ATOSA: variants seen among roughly 807,000 people sequenced by gnomAD.
ATOSA encodes the protein atos homolog protein A.
chr15:52,620,962 T>C, the ATOSA span, among the ~76,000 whole-genome samples: 3 of 152,150 alleles, frequency 2.0e-5, no homozygotes, highest in African/African-American at 7.2e-5. Flanking sequence ...AAATAAAAAG[T>C]GTCCTTTTTA....
At chr15:52,671,490 G>A in the ATOSA span, among the ~76,000 whole-genome samples, 1 of 152,104 alleles carries the variant, frequency 6.6e-6, no homozygotes, top group African/African-American at 2.4e-5. Context: ...GTACAAGACT[G>A]CCTACTAAAT....
At chr15:52,619,756 A>G in the ATOSA span, among the ~76,000 whole-genome samples, 1 of 152,048 alleles carries the variant, frequency 6.6e-6, no homozygotes, top group Non-Finnish European at 1.5e-5. Flanking sequence ...ACTTGAACCC[A>G]GGAGGTGTAG....
At chr15:52,674,916 T>C in the ATOSA span, among the ~76,000 whole-genome samples, 1 of 151,694 alleles carries the variant, frequency 6.6e-6, no homozygotes, top group South Asian at 2.1e-4. Context: ...TAATAAACGA[T>C]ATTATTTATT....
chr15:52,654,016 T>G, the ATOSA span, among the ~76,000 whole-genome samples: 1 of 152,194 alleles, frequency 6.6e-6, no homozygotes, highest in Non-Finnish European at 1.5e-5. Flanking sequence ...ATTTAAAAAT[T>G]TTTTGGATTA....
chr15:52,652,155 G>A, the ATOSA span: 3 of 1,053,430 alleles, frequency 2.8e-6, no homozygotes, highest in Non-Finnish European at 3.8e-6. Flanking sequence ...ACAGCTTCCT[G>A]TCTACTTGGC....
the ATOSA span, among the ~76,000 whole-genome samples, chr15:52,668,423 G>A: frequency 6.6e-6 from 1 of 152,142 alleles, no homozygotes; most frequent in Middle Eastern, 3.2e-3. Flanking sequence ...GAGAGAATAG[G>A]AAGAGGTTGA....
At chr15:52,584,355 T>G in the ATOSA span, among the ~76,000 whole-genome samples, 1 of 152,018 alleles carries the variant, frequency 6.6e-6, no homozygotes, top group South Asian at 2.1e-4. Context: ...TTGGCCAGGT[T>G]GGTCTCAAAC....
chr15:52,630,328 G>C, the ATOSA span, among the ~76,000 whole-genome samples: 30,399 of 152,048 alleles, frequency 0.2, 3,876 homozygotes, highest in East Asian at 0.61. Context: ...CTACACCAAA[G>C]GCACCACAGA....
At chr15:52,629,916 T>C in the ATOSA span, among the ~76,000 whole-genome samples, 1 of 151,412 alleles carries the variant, frequency 6.6e-6, no homozygotes, top group African/African-American at 2.4e-5. Flanking sequence ...ACAAATGAAG[T>C]AGAAACAATA....
the ATOSA span, chr15:52,608,654 T>C: frequency 6.2e-7 from 1 of 1,611,410 alleles, no homozygotes; most frequent in Admixed American, 1.7e-5. Flanking sequence ...GATTTTTCAT[T>C]AGTTGGATCT....
At chr15:52,678,301 C>A in the ATOSA span, 2 of 589,806 alleles carry the variant, frequency 3.4e-6, no homozygotes, top group East Asian at 5.6e-5. Flanking sequence ...TCGAGCACCC[C>A]CTTCCCTGCC....
the ATOSA span, among the ~76,000 whole-genome samples, chr15:52,647,791 A>G: frequency 9.2e-5 from 14 of 152,332 alleles, no homozygotes; most frequent in African/African-American, 3.4e-4. Context: ...AAACTGTATG[A>G]ATATGTTATC....
the ATOSA span, chr15:52,608,587 G>A: frequency 1.3e-6 from 2 of 1,572,930 alleles, no homozygotes; most frequent in Non-Finnish European, 1.7e-6. Flanking sequence ...TGTATTTTTT[G>A]GTTGCTCACA....
At chr15:52,609,924 T>C in the ATOSA span, 2 of 1,610,748 alleles carry the variant, frequency 1.2e-6, no homozygotes, top group Non-Finnish European at 8.5e-7. Flanking sequence ...TCACTGATGT[T>C]TCTTGTGATT....
chr15:52,629,467 T>C, the ATOSA span, among the ~76,000 whole-genome samples: 1 of 151,454 alleles, frequency 6.6e-6, no homozygotes, highest in South Asian at 2.1e-4. Flanking sequence ...TACGGAATCC[T>C]TTCATGCCCT....
the ATOSA span, among the ~76,000 whole-genome samples, chr15:52,688,827 A>G: frequency 6.6e-6 from 1 of 152,232 alleles, no homozygotes; most frequent in African/African-American, 2.4e-5. Context: ...GAAAAGTCGA[A>G]TAAGACAAGG....
At chr15:52,672,172 CAAAAAAAA>C in the ATOSA span, among the ~76,000 whole-genome samples, 6,640 of 62,706 alleles carry the variant, frequency 0.11, 480 homozygotes, top group East Asian at 0.38. Context: ...CCCCATTTCT[CAAAAAAAA>C]AAAAAAAAAA....
At chr15:52,662,385 T>C in the ATOSA span, among the ~76,000 whole-genome samples, 2 of 152,242 alleles carry the variant, frequency 1.3e-5, no homozygotes, top group African/African-American at 2.4e-5. Context: ...TCTCCAGTTT[T>C]ACTCTGTATT....
chr15:52,681,079 CTA>C, the ATOSA span, among the ~76,000 whole-genome samples: 1 of 152,206 alleles, frequency 6.6e-6, no homozygotes, highest in Non-Finnish European at 1.5e-5. Context: ...GAAGCCAAGA[CTA>C]TTAGTGTGTA....
Sources: allele counts gnomAD v4.1 joint callset (sites outside exome capture counted in the v4.1 genomes callset), GRCh38; gene constraint gnomAD v4.1.1; transcripts MANE v1.5; gene names NCBI Gene and HGNC (gene_info 2026-07-23, HGNC 2026-07-21).